Variants in ARHGAP32 observed in about 807,000 individuals in gnomAD.
ARHGAP32 encodes rho GTPase-activating protein 32.
ARHGAP32 carries 51 observed loss-of-function variants against 186.5 expected under a neutral mutation model. That is an observed-to-expected ratio of 0.27 (90% CI 0.22 to 0.35). The LOEUF (loss-of-function observed/expected upper bound fraction) is 0.35, where lower values mean the gene tolerates loss of function less well. Ranked by LOEUF, ARHGAP32 falls within the 10% of genes least tolerant of loss-of-function variation. ARHGAP32 has a pLI of 1.00. For synonymous variants in ARHGAP32, 950 were observed against 964.3 expected (o/e 0.99, Z 0.27); for missense variants, 2,186 against 2,623.5 (o/e 0.83, Z 3.64).
intron 1 of ARHGAP32, among the ~76,000 whole-genome samples, chr11:129,213,104 A>G (rs947829641): frequency 1.9e-4 from 29 of 152,310 alleles, no homozygotes; most frequent in African/African-American, 6.7e-4. Context: ...AAAATATAGT[A>G]TAAGACATAT....
intron 6 of ARHGAP32, among the ~76,000 whole-genome samples, chr11:129,086,279 A>G (rs1168796253): frequency 6.6e-6 from 1 of 152,218 alleles, no homozygotes; most frequent in Admixed American, 6.5e-5. Context: ...ACAAGAATTA[A>G]CTCAAAATGG....
chr11:129,208,557 G>A (rs989676214), intron 1 of ARHGAP32, among the ~76,000 whole-genome samples: 3 of 152,130 alleles, frequency 2.0e-5, no homozygotes, highest in African/African-American at 7.2e-5. Flanking sequence ...ACAAATTAAG[G>A]AGGAGTTCTT....
intron 1 of ARHGAP32, among the ~76,000 whole-genome samples, chr11:129,265,380 T>C (rs1055298964): frequency 1.3e-5 from 2 of 152,228 alleles, no homozygotes; most frequent in African/African-American, 4.8e-5. Flanking sequence ...AGAGAGGTTG[T>C]CCTGTGCAGG....
At chr11:129,048,884 G>GA (rs960860997) in intron 10 of ARHGAP32, among the ~76,000 whole-genome samples, 4 of 151,718 alleles carry the variant, frequency 2.6e-5, no homozygotes, top group Admixed American at 1.3e-4. Context: ...AAGACACATA[G>GA]AAAAAAAAGA....
intron 1 of ARHGAP32, among the ~76,000 whole-genome samples, chr11:129,167,163 C>G (rs1363970751): frequency 6.6e-6 from 1 of 151,962 alleles, no homozygotes; most frequent in East Asian, 1.9e-4. Flanking sequence ...CAAATAAAAA[C>G]AAATATTAAA....
chr11:129,085,000 A>T (rs947567762), intron 6 of ARHGAP32, among the ~76,000 whole-genome samples: 1 of 152,084 alleles, frequency 6.6e-6, no homozygotes, highest in African/African-American at 2.4e-5. Flanking sequence ...ACCAGCAATG[A>T]GCAAGAGAAA....
chr11:129,144,621 G>A (rs1943131211), intron 2 of ARHGAP32, among the ~76,000 whole-genome samples: 1 of 152,276 alleles, frequency 6.6e-6, no homozygotes, highest in Non-Finnish European at 1.5e-5. Flanking sequence ...ATCAAAGAAG[G>A]TGACAGGTAA....
intron 11 of ARHGAP32, among the ~76,000 whole-genome samples, chr11:129,008,768 C>A (rs184065474): frequency 3.5e-4 from 53 of 152,310 alleles, no homozygotes; most frequent in African/African-American, 1.2e-3. Context: ...TAAATTACAA[C>A]CTCTGTTGTA....
chr11:128,986,339 A>C (rs1945871674), intron 14 of ARHGAP32, among the ~76,000 whole-genome samples, 185 bp downstream of exon 14: 1 of 152,246 alleles, frequency 6.6e-6, no homozygotes, highest in Admixed American at 6.5e-5. Flanking sequence ...AAAGTCAGAA[A>C]GCACAAGAAT....
rs78872505 is a variant in ARHGAP32 at position 129,025,535 on chromosome 11, T to C, written c.1045+15393A>G. ...ACAAGGCTCTTAAAATTTACTCCTA[T>C]TGGAGAAGGCAAAGCCACTCTTCTT... On this transcript the variant is annotated intron_variant, in intron 11 of 22. Coordinates refer to ENST00000682385, the MANE Select transcript of ARHGAP32 (RefSeq NM_001378024.1). Among the ~76,000 whole-genome samples, 582 of 152,242 alleles carry C rather than the reference T, an allele frequency of 3.8e-3. 10 individuals carry two copies. The highest frequency in any genetic ancestry group is 0.013 in the African/African-American group (546 of 41,546).
chr11:129,233,249 T>C (rs1944882957), intron 1 of ARHGAP32, among the ~76,000 whole-genome samples: 1 of 152,114 alleles, frequency 6.6e-6, no homozygotes, highest in Non-Finnish European at 1.5e-5. Flanking sequence ...TCATGGGTGG[T>C]AGGAGTGGCT....
intron 2 of ARHGAP32, among the ~76,000 whole-genome samples, chr11:129,148,344 C>T (rs1050342428): frequency 1.3e-5 from 2 of 152,124 alleles, no homozygotes; most frequent in Admixed American, 6.5e-5. Flanking sequence ...ACTGGAGAAT[C>T]CATAAATCCA....
At chr11:129,234,827 C>CA (rs1944906456) in intron 1 of ARHGAP32, among the ~76,000 whole-genome samples, 1 of 151,956 alleles carries the variant, frequency 6.6e-6, no homozygotes, top group African/African-American at 2.4e-5. Context: ...ACAGAAAAAA[C>CA]AAACAAACAA....
chr11:129,008,303 T>C (rs552813034), intron 11 of ARHGAP32, among the ~76,000 whole-genome samples: 1 of 152,214 alleles, frequency 6.6e-6, no homozygotes, highest in South Asian at 2.1e-4. Flanking sequence ...GCCATCTTCC[T>C]TTGCCCCTCC....
chr11:129,123,028 G>A lies in ARHGAP32; in HGVS notation c.444+418C>T, dbSNP rs539263586. Among the ~76,000 whole-genome samples the A allele has an allele frequency of 3.3e-5, 5 of 152,192 alleles. No individual in the cohort carries two copies. In the East Asian group the frequency reaches 9.6e-4, roughly 29 times the overall value. ...TAGATTCAATAATTTGTATGTGAAT[G>A]AAAAGGCAGTAACAGTAAAAACATT... On this transcript the variant is annotated intron_variant, in intron 5 of 22. Coordinates refer to ENST00000682385, the MANE Select transcript of ARHGAP32 (RefSeq NM_001378024.1). The surrounding 1 kb of genome is among the most constrained non-coding windows in gnomAD (Gnocchi z 4.6).
At chr11:129,110,818 A>G (rs1005891679) in intron 5 of ARHGAP32, among the ~76,000 whole-genome samples, 2 of 152,218 alleles carry the variant, frequency 1.3e-5, no homozygotes, top group Admixed American at 6.5e-5. Context: ...TATCAGATCA[A>G]AAAGTTTTCT....
chr11:129,193,481 CAAAA>C (rs1204964930), upstream of ARHGAP32, among the ~76,000 whole-genome samples: 41 of 26,002 alleles, frequency 1.6e-3, no homozygotes, highest in African/African-American at 2.6e-3. Flanking sequence ...GACCCTGTCT[CAAAA>C]AAAAAAAAAA....
intron 1 of ARHGAP32, among the ~76,000 whole-genome samples, chr11:129,270,256 G>A (rs1945457572): frequency 6.6e-6 from 1 of 152,188 alleles, no homozygotes; most frequent in African/African-American, 2.4e-5. Flanking sequence ...AGTGAAAGAA[G>A]CTAGTCTGAA....
intron 6 of ARHGAP32, among the ~76,000 whole-genome samples, chr11:129,085,028 ATT>A (rs759809416): frequency 6.9e-6 from 1 of 145,942 alleles, no homozygotes. Flanking sequence ...TGGTTTTATT[ATT>A]TTTTTTTTTT....
Sources: allele counts gnomAD v4.1 joint callset (sites outside exome capture counted in the v4.1 genomes callset), GRCh38; gene constraint gnomAD v4.1.1; non-coding constraint Gnocchi (gnomAD v3.1); transcripts MANE v1.5; gene names NCBI Gene and HGNC (gene_info 2026-07-23, HGNC 2026-07-21).